HECTD4: variants seen among roughly 807,000 people sequenced by gnomAD.
HECTD4 encodes probable E3 ubiquitin-protein ligase HECTD4.
HECTD4 carries 114 observed loss-of-function variants against 471.5 expected under a neutral mutation model. The ratio of observed to expected loss-of-function variants is 0.24; its 90% CI spans 0.21 to 0.28. The LOEUF is 0.28. Among genes scored for constraint, HECTD4 ranks in the 10% least tolerant of loss-of-function variants. The pLI is 1.00. For missense variants in HECTD4, 3,866 were observed against 5,651.5 expected (o/e 0.68, Z 10.13); for synonymous variants, 2,012 against 2,256.0 (o/e 0.89, Z 3.07).
At chr12:112,374,094 T>C (rs2036734535) in intron 1 of HECTD4, among the ~76,000 whole-genome samples, 1 of 151,916 alleles carries the variant, frequency 6.6e-6, no homozygotes. Flanking sequence ...CCCAGCACTT[T>C]GGGAGACTGA....
chr12:112,261,203 T>G (rs1566090747), intron 18 of HECTD4, 102 bp downstream of exon 18: 3 of 1,240,544 alleles, frequency 2.4e-6, no homozygotes, highest in East Asian at 2.7e-5. Flanking sequence ...AAAATCTCTC[T>G]ATATAAAATT....
chr12:112,237,995 C>T (rs1005725487), intron 34 of HECTD4, among the ~76,000 whole-genome samples: 3 of 152,092 alleles, frequency 2.0e-5, no homozygotes, highest in African/African-American at 4.8e-5. Flanking sequence ...CTCTGGTGAT[C>T]CGCCCTCCTC....
At chr12:112,219,879 C>T (rs923828909) in intron 44 of HECTD4, among the ~76,000 whole-genome samples, 2 of 152,202 alleles carry the variant, frequency 1.3e-5, no homozygotes, top group Admixed American at 6.5e-5. Context: ...GGATTACAGG[C>T]TTGAGCCACC....
intron 6 of HECTD4, among the ~76,000 whole-genome samples, 178 bp downstream of exon 6, chr12:112,308,575 C>A (rs2035314762): frequency 2.6e-5 from 4 of 151,774 alleles, no homozygotes; most frequent in Admixed American, 1.3e-4. Flanking sequence ...TCACTCAGTT[C>A]ATATGGGAAA....
chr12:112,275,948 C>T (rs1331628746), intron 9 of HECTD4, among the ~76,000 whole-genome samples: 1 of 152,156 alleles, frequency 6.6e-6, no homozygotes. Flanking sequence ...AAACTCAAAA[C>T]CTCATGAAGT....
chr12:112,235,673 C>T lies in HECTD4; in HGVS notation c.5556G>A (p.Leu1852=), dbSNP rs1192951153. The change falls in exon 36 of 76, where the codon CTG becomes CTA. Residue 1852 remains leucine, a synonymous_variant. Transcript: ENST00000682272. This position sits in a 1 kb window ranked among gnomAD's most constrained non-coding sequence, Gnocchi z 5.0. ...TCATCAGGGGCAGCGCCGCCCGGCA[C>T]AGCTGGAGAATAATAAGGACTAGCT... ...SPKLVLIILQ[L]CRAALPLMSV... 6.2e-7 allele frequency: 1 copy of T among 1,614,026 alleles called. No homozygotes were observed. Among genetic ancestry groups the T allele is most frequent in the South Asian group, 1.1e-5 (1 of 91,090 alleles).
chr12:112,227,332 C>T lies in HECTD4; in HGVS notation c.6855-574G>A, dbSNP rs533267883. ...AAAATTAGCCAGGAGTGGTGGTATG[C>T]GCCTGTAATCCCAGCTACTCAGGAG... On this transcript the variant is annotated intron_variant, in intron 43 of 75. Coordinates refer to ENST00000682272, the MANE Select transcript of HECTD4 (RefSeq NM_001388303.1). 1.3e-4 allele frequency among the ~76,000 whole-genome samples: 20 copies of T among 152,038 alleles called. No homozygotes were observed. In the South Asian group the frequency reaches 4.0e-3, roughly 30 times the overall value.
chr12:112,366,345 C>T lies in HECTD4; in HGVS notation c.177+15607G>A, dbSNP rs528547969. Among the ~76,000 whole-genome samples, 9 of 151,348 alleles carry T rather than the reference C, an allele frequency of 5.9e-5. 1 individual carries two copies. Among genetic ancestry groups the T allele is most frequent in the Admixed American group, 2.0e-4 (3 of 15,192 alleles). Reference sequence around the variant, plus strand: ...CAACGTAGTGAGACCCCCATGTCTACAAAAAAATTTTTTTTAAATAAAAAA... The same window carrying T: ...CAACGTAGTGAGACCCCCATGTCTATAAAAAAATTTTTTTTAAATAAAAAA... On this transcript the variant is annotated intron_variant, in intron 1 of 75. Transcript: ENST00000682272.
In HECTD4 at chr12:112,185,415, G is replaced by C. The variant is rs577238057; in HGVS notation, c.9551C>G (p.Thr3184Arg). 6.3e-7 allele frequency: 1 copy of C among 1,599,302 alleles called. No individual in the cohort carries two copies. Among genetic ancestry groups the C allele is most frequent in the African/African-American group, 1.3e-5 (1 of 74,654 alleles). The change falls in exon 61 of 76, where the codon ACG becomes AGG. Residue 3184 changes from threonine (T) to arginine (R), a missense_variant. Coordinates refer to ENST00000682272, the MANE Select transcript of HECTD4 (RefSeq NM_001388303.1). ...VFHLLAELLR[T>R]VHTLEQRRHP... ...CCGCCTCTGCTCCAGGGTGTGCACCGTGCGCAGGAGCTCTGCCAGGAGATG... is the reference window on the plus strand; with the variant it reads ...CCGCCTCTGCTCCAGGGTGTGCACCCTGCGCAGGAGCTCTGCCAGGAGATG...
At chr12:112,192,808 A>G (rs758866693) in intron 58 of HECTD4, 43 bp from the exon 59 acceptor site, 37 of 1,484,008 alleles carry the variant, frequency 2.5e-5, no homozygotes, top group Non-Finnish European at 3.4e-5. Flanking sequence ...GGGTCTAGCC[A>G]TGCACATGGG....
At chr12:112,337,350 TAAC>T (rs1220706668) in intron 1 of HECTD4, among the ~76,000 whole-genome samples, 2 of 152,194 alleles carry the variant, frequency 1.3e-5, no homozygotes, top group African/African-American at 4.8e-5. Flanking sequence ...TTTCTGGGAT[TAAC>T]AACTAATATC....
At chr12:112,229,647 T>A (rs964990097) in intron 41 of HECTD4, 51 bp downstream of exon 41, 9 of 1,511,304 alleles carry the variant, frequency 6.0e-6, no homozygotes, top group Non-Finnish European at 8.1e-6. Flanking sequence ...AATTAATGGA[T>A]GCTTATATAT....
chr12:112,190,362 CACA>C (rs2032037355), intron 60 of HECTD4, among the ~76,000 whole-genome samples: 1 of 152,140 alleles, frequency 6.6e-6, no homozygotes, highest in Non-Finnish European at 1.5e-5. Flanking sequence ...TGGTAAAATG[CACA>C]ACTTTTACAT....
In HECTD4 at chr12:112,200,653, T is replaced by C. The variant is rs752127023; in HGVS notation, c.8552A>G (p.Asn2851Ser). 9 of 1,611,926 alleles carry C rather than the reference T, an allele frequency of 5.6e-6. No individual in the cohort carries two copies. The East Asian group carries it at 1.8e-4, about 32-fold the overall frequency. The change falls in exon 55 of 76, where the codon AAC becomes AGC. Residue 2851 changes from asparagine to serine, a missense_variant. Around this residue, in one of 16 missense-constraint regions of HECTD4, gnomAD observed 266 missense variants for 441.6 expected, o/e 0.60. Coordinates refer to ENST00000682272, the MANE Select transcript of HECTD4 (RefSeq NM_001388303.1). ...CCAATTGTACCTGTGAATTTGAAGG[T>C]TGGTATTGTCCAGTGTGACCAGCCC... ...TNGLVTLDNT[N>S]LQIHRELLRC...
intron 64 of HECTD4, among the ~76,000 whole-genome samples, chr12:112,177,375 C>CTTTTTTTTT (rs1170542769): frequency 7.0e-6 from 1 of 143,466 alleles, no homozygotes; most frequent in African/African-American, 2.7e-5. Context: ...TGTTATGAGG[C>CTTTTTTTTT]TATTTTTTTT....
At chr12:112,192,984 T>C in intron 58 of HECTD4, 77 bp downstream of exon 58, 1 of 1,562,054 alleles carries the variant, frequency 6.4e-7, no homozygotes, top group Non-Finnish European at 8.7e-7. Context: ...TTTGAATTTT[T>C]TTCCTTGGCC....
rs2030747746 is a variant in HECTD4, at chr12:112,162,921, G to A, written c.13120+121C>T. On this transcript the variant is annotated intron_variant, in intron 75 of 75. Transcript: ENST00000682272. This position sits in a 1 kb window ranked among gnomAD's most constrained non-coding sequence, Gnocchi z 5.2. Reference sequence around the variant, plus strand: ...GGCCCTAATCCTCAATGATGTCTGAGTTTTGGCACGTGGGGCTCCTGTTCA... The same window carrying A: ...GGCCCTAATCCTCAATGATGTCTGAATTTTGGCACGTGGGGCTCCTGTTCA... The A allele has an allele frequency of 1.2e-6, 1 of 817,500 alleles. No individual in the cohort carries two copies. Among genetic ancestry groups the A allele is most frequent in the Admixed American group, 2.5e-5 (1 of 39,890 alleles). 50.6% of individuals were successfully genotyped at this position (817,500 alleles called of 1,614,324 possible).
At chr12:112,324,278 CA>C (rs1441708437) in intron 1 of HECTD4, among the ~76,000 whole-genome samples, 2 of 150,640 alleles carry the variant, frequency 1.3e-5, no homozygotes, top group African/African-American at 2.4e-5. Flanking sequence ...TGCCACTATG[CA>C]GCTAATTTTT....
At chr12:112,295,083 C>A (rs1235822940) in intron 7 of HECTD4, among the ~76,000 whole-genome samples, 1 of 151,518 alleles carries the variant, frequency 6.6e-6, no homozygotes, top group Non-Finnish European at 1.5e-5. Context: ...GCAGGCCGGA[C>A]TACTTGAGTC....
Sources: gnomAD v4.1 joint callset for allele counts (sites outside exome capture counted in the v4.1 genomes callset) on GRCh38, gnomAD v4.1.1 for gene constraint, gnomAD v4.1.1 regional missense constraint, Gnocchi (gnomAD v3.1) non-coding constraint, MANE v1.5 for transcripts, NCBI Gene and HGNC (gene_info 2026-07-23, HGNC 2026-07-21) for gene names.